MAGT1: variants seen among roughly 807,000 people sequenced by gnomAD.
MAGT1 encodes magnesium transporter 1.
Under a neutral mutation model 28.4 loss-of-function variants are expected in MAGT1, and 4 were observed. That is an observed-to-expected ratio of 0.14 (90% confidence interval 0.07 to 0.32). MAGT1 has a LOEUF of 0.32. Among genes scored for constraint, MAGT1 ranks in the 10% least tolerant of loss-of-function variants. MAGT1 has a pLI of 1.00. For missense variants in MAGT1, 193 were observed against 264.5 expected, an observed-to-expected ratio of 0.73 and a Z score of 1.88; for synonymous variants, 89 against 89.7, an observed-to-expected ratio of 0.99 and a Z score of 0.04.
chrX:77,830,967 C>CATG, intron 8 of MAGT1, 72 bp from the exon 9 acceptor site: 1 of 319,414 alleles, frequency 3.1e-6, no homozygotes, highest in Non-Finnish European at 5.2e-6. Context: ...TCTATACTTT[C>CATG]TTTTTTTATT....
intron 1 of MAGT1, among the ~76,000 whole-genome samples, chrX:77,889,134 T>G (rs1557219227): frequency 1.0e-5 from 1 of 97,346 alleles, no homozygotes; most frequent in East Asian, 3.3e-4. Context: ...ACCACCATGC[T>G]CTGCTATTTT....
At chrX:77,850,883 C>T (rs1557215458) in intron 7 of MAGT1, among the ~76,000 whole-genome samples, 3 of 111,573 alleles carry the variant, frequency 2.7e-5, no homozygotes, top group African/African-American at 9.8e-5. Flanking sequence ...TTTCAAAGTA[C>T]TAGTGAGAAG....
At chrX:77,881,397 T>C (rs1241271460) in intron 1 of MAGT1, among the ~76,000 whole-genome samples, 1 of 106,262 alleles carries the variant, frequency 9.4e-6, no homozygotes, top group Non-Finnish European at 1.9e-5. Context: ...GTATATCACC[T>C]AATGCTATCC....
intron 1 of MAGT1, among the ~76,000 whole-genome samples, chrX:77,884,686 G>GTA (rs1301848764): frequency 2.4e-4 from 26 of 108,875 alleles, no homozygotes; most frequent in African/African-American, 8.7e-4. Context: ...CTACATGCCA[G>GTA]TAGCACCCTC....
At chrX:77,895,016 C>T (rs1278844615) in intron 1 of MAGT1, among the ~76,000 whole-genome samples, 4 of 111,207 alleles carry the variant, frequency 3.6e-5, no homozygotes, top group Non-Finnish European at 7.5e-5. Flanking sequence ...CTCCCCACCC[C>T]CAACACCTGA....
intron 1 of MAGT1, among the ~76,000 whole-genome samples, chrX:77,889,855 G>A (rs999649133): frequency 1.8e-5 from 2 of 111,491 alleles, no homozygotes; most frequent in African/African-American, 3.3e-5. Flanking sequence ...TAGTCACTCC[G>A]TTGTGCTATC....
intron 1 of MAGT1, among the ~76,000 whole-genome samples, chrX:77,879,254 A>C (rs1246254108): frequency 3.6e-5 from 4 of 111,072 alleles, no homozygotes; most frequent in African/African-American, 1.3e-4. Context: ...ACGGGGTTTC[A>C]CCATGTTGGC....
intron 8 of MAGT1, 134 bp downstream of exon 8, chrX:77,841,112 T>G (rs191651295): frequency 9.0e-6 from 4 of 445,921 alleles, no homozygotes; most frequent in Non-Finnish European, 1.2e-5. Context: ...ATAACAGATA[T>G]GACATTTAAA....
chrX:77,889,561 C>A (rs1367704817), intron 1 of MAGT1, among the ~76,000 whole-genome samples: 1 of 107,600 alleles, frequency 9.3e-6, no homozygotes, highest in African/African-American at 3.4e-5. Flanking sequence ...TTAGTAGAGA[C>A]GGGGTTTCAC....
At chrX:77,850,940 A>C (rs1175650868) in intron 7 of MAGT1, among the ~76,000 whole-genome samples, 1 of 110,800 alleles carries the variant, frequency 9.0e-6, no homozygotes, top group Non-Finnish European at 1.9e-5. Context: ...ATAATTTGTT[A>C]ATCCATCAAA....
chrX:77,879,588 G>A (rs1055028938), intron 1 of MAGT1, among the ~76,000 whole-genome samples: 1 of 111,001 alleles, frequency 9.0e-6, no homozygotes. Context: ...ACACTTTGAC[G>A]TTTGATTCCT....
At chrX:77,863,294 C>T (rs563327095) in intron 3 of MAGT1, among the ~76,000 whole-genome samples, 9 of 110,036 alleles carry the variant, frequency 8.2e-5, no homozygotes, top group East Asian at 2.9e-4. Flanking sequence ...GGGCGGATCA[C>T]GAGGTCAGGA....
At chrX:77,874,336 G>T (rs1488642880) in intron 2 of MAGT1, among the ~76,000 whole-genome samples, 1 of 104,870 alleles carries the variant, frequency 9.5e-6, no homozygotes, top group Non-Finnish European at 2.0e-5. Flanking sequence ...GGTGGCTCAC[G>T]CCTGTAATCC....
chrX:77,862,379 T>C (rs2076996936), intron 3 of MAGT1, among the ~76,000 whole-genome samples: 1 of 111,689 alleles, frequency 9.0e-6, no homozygotes, highest in Admixed American at 9.6e-5. Context: ...GCTAAAAAGC[T>C]TCTGCAAAGC....
chrX:77,836,535 TTAAAAA>T (rs1294537059), intron 8 of MAGT1, among the ~76,000 whole-genome samples: 59 of 111,799 alleles, frequency 5.3e-4, no homozygotes, highest in African/African-American at 1.9e-3. Context: ...CCCACAAAAA[TTAAAAA>T]TAAAATACTT....
intron 1 of MAGT1, among the ~76,000 whole-genome samples, chrX:77,891,108 C>T (rs1047100555): frequency 9.0e-6 from 1 of 110,858 alleles, no homozygotes; most frequent in Admixed American, 9.8e-5. Flanking sequence ...ACACCAGATG[C>T]GAGGATGAAC....
chrX:77,835,388 C>T (rs1202607900), intron 8 of MAGT1, among the ~76,000 whole-genome samples: 1 of 111,850 alleles, frequency 8.9e-6, no homozygotes, highest in African/African-American at 3.2e-5. Flanking sequence ...TATCATCTCA[C>T]CCCAGCTAAA....
At chrX:77,843,447 G>C in intron 7 of MAGT1, among the ~76,000 whole-genome samples, 1 of 110,868 alleles carries the variant, frequency 9.0e-6, no homozygotes, top group Non-Finnish European at 1.9e-5. Context: ...TGTTGCCCAG[G>C]CTGGTCTCAA....
At position 77,841,356 on chromosome X, in the gene MAGT1, C is replaced by G. The variant is rs377681364; in HGVS notation, c.827-36G>C. The G allele has an allele frequency of 4.4e-6, 4 of 900,650 alleles. No homozygotes were observed. In the African/African-American group the frequency reaches 7.8e-5, roughly 18 times the overall value. The allele number at this position is 900,650 out of a possible 1,213,427, so 74.2% of individuals were successfully genotyped here. On this transcript the variant is annotated intron_variant, in intron 7 of 9. Coordinates refer to ENST00000618282, the MANE Select transcript of MAGT1 (RefSeq NM_001367916.1). ...TTGTTTAAGGAGAAATTCGCACAGA[C>G]AAAAAAGACATACCATTTTACTATT...
Sources: gnomAD v4.1 joint callset for allele counts (sites outside exome capture counted in the v4.1 genomes callset) on GRCh38, gnomAD v4.1.1 for gene constraint, MANE v1.5 for transcripts, NCBI Gene and HGNC (gene_info 2026-07-23, HGNC 2026-07-21) for gene names.